The following EIF3E variants were observed in gnomAD, a reference collection of about 807,000 sequenced individuals.
EIF3E encodes the protein eIF-3 p48.
A neutral mutation model predicts 59.3 loss-of-function variants in EIF3E; 25 were observed. That is an observed-to-expected ratio of 0.42 (90% confidence interval 0.31 to 0.59). EIF3E has a LOEUF of 0.59. Ranked by LOEUF, EIF3E falls within the 20% of genes least tolerant of loss-of-function variation. EIF3E has a pLI of 0.15. For missense variants in EIF3E, 317 were observed against 534.3 expected, an observed-to-expected ratio of 0.59 and a Z score of 4.01; for synonymous variants, 176 against 170.2, an observed-to-expected ratio of 1.03 and a Z score of -0.26.
chr8:108,220,458 G>A (rs918913763), intron 7 of EIF3E, among the ~76,000 whole-genome samples: 1 of 152,202 alleles, frequency 6.6e-6, no homozygotes, highest in East Asian at 1.9e-4. Flanking sequence ...CTCCCTTTGT[G>A]TTTTAACTTC....
In EIF3E at chr8:108,228,320, G is replaced by A. The variant is rs1815556201; in HGVS notation, c.669C>T (p.Phe223=). ...TATTATCGCGACCTTTGGGGTGATT[G>A]AAGAAAACAAACAGAGACCAGTGAA... ...WLIHWSLFVF[F]NHPKGRDNII... The change falls in exon 7 of 13, where the codon TTC becomes TTT. Residue 223 remains phenylalanine, a synonymous_variant. Transcript: ENST00000220849. 1 of 1,609,158 alleles carries A rather than the reference G, an allele frequency of 6.2e-7. No individual in the cohort carries two copies. The highest frequency in any genetic ancestry group is 8.5e-7 in the Non-Finnish European group (1 of 1,177,446).
In EIF3E at chr8:108,248,712, G is replaced by C. The variant is rs544108027; in HGVS notation, c.-10C>G. On this transcript the variant is annotated 5_prime_UTR_variant, in exon 1 of 13. Coordinates refer to ENST00000220849, the MANE Select transcript of EIF3E (RefSeq NM_001568.3). ...AGTCGTACTCCGCCATCTTGCCAAA[G>C]AAAAGGGAGTCTGTGCTCACTAAAA... is the stretch of plus-strand genomic sequence containing the variant. 1.6e-5 allele frequency: 26 copies of C among 1,614,086 alleles called. No individual in the cohort carries two copies. The East Asian group carries it at 5.6e-4, about 35-fold the overall frequency.
intron 4 of EIF3E, among the ~76,000 whole-genome samples, chr8:108,235,925 G>A: frequency 6.6e-6 from 1 of 152,088 alleles, no homozygotes; most frequent in Non-Finnish European, 1.5e-5. Context: ...TACAACTCTG[G>A]AATAAATACA....
intron 10 of EIF3E, among the ~76,000 whole-genome samples, chr8:108,205,944 G>A (rs1815093725): frequency 6.6e-6 from 1 of 152,002 alleles, no homozygotes; most frequent in Non-Finnish European, 1.5e-5. Context: ...AGTCTGTATT[G>A]GGTTTGGTAC....
intron 3 of EIF3E, among the ~76,000 whole-genome samples, chr8:108,239,387 A>G (rs1815794525): frequency 6.6e-6 from 1 of 152,088 alleles, no homozygotes; most frequent in Non-Finnish European, 1.5e-5. Context: ...TTTTGGTAAG[A>G]TAGAGGGTTT....
intron 10 of EIF3E, among the ~76,000 whole-genome samples, chr8:108,209,459 T>C (rs1815165910): frequency 6.6e-6 from 1 of 152,148 alleles, no homozygotes; most frequent in Admixed American, 6.6e-5. Context: ...ACTTCAAATA[T>C]GAAATTTTGA....
chr8:108,241,260 A>C (rs1472674405), intron 2 of EIF3E, among the ~76,000 whole-genome samples: 2 of 152,182 alleles, frequency 1.3e-5, no homozygotes, highest in Non-Finnish European at 2.9e-5. Context: ...ATGTGCATTG[A>C]AGAAATGACA....
intron 9 of EIF3E, among the ~76,000 whole-genome samples, chr8:108,215,949 C>T (rs1815293785): frequency 6.6e-6 from 1 of 152,124 alleles, no homozygotes; most frequent in African/African-American, 2.4e-5. Flanking sequence ...CCTGGTTTAT[C>T]ACAAATGTTA....
intron 1 of EIF3E, 123 bp downstream of exon 1, chr8:108,248,490 T>C: frequency 3.4e-6 from 3 of 882,474 alleles, no homozygotes; most frequent in Non-Finnish European, 5.4e-6. Flanking sequence ...TTAGTGTCCG[T>C]CCAGGAACCA....
intron 7 of EIF3E, among the ~76,000 whole-genome samples, chr8:108,227,049 G>A (rs1047414958): frequency 2.0e-5 from 3 of 152,216 alleles, no homozygotes; most frequent in Non-Finnish European, 2.9e-5. Flanking sequence ...GTAGGGCTGG[G>A]CCCAGTGGCT....
chr8:108,214,588 C>A lies in EIF3E; in HGVS notation c.1061+19G>T, dbSNP rs1339081930. 1.3e-6 allele frequency: 2 copies of A among 1,529,206 alleles called. No homozygotes were observed. The highest frequency in any genetic ancestry group is 2.6e-5 in the South Asian group (2 of 78,018). The allele number at this position is 1,529,206 out of a possible 1,614,324, so 94.7% of individuals were successfully genotyped here. Reference sequence around the variant, plus strand: ...GAATTTTAAAGTAGAAAATCCAAATCAAATCACGGTGTTCTTACTTAATGC... The same window carrying A: ...GAATTTTAAAGTAGAAAATCCAAATAAAATCACGGTGTTCTTACTTAATGC... On this transcript the variant is annotated intron_variant, in intron 10 of 12. Transcript: ENST00000220849.
At chr8:108,207,192 A>C (rs1442147572) in intron 10 of EIF3E, among the ~76,000 whole-genome samples, 1 of 152,134 alleles carries the variant, frequency 6.6e-6, no homozygotes, top group African/African-American at 2.4e-5. Context: ...CAGTAAAAGA[A>C]ACCAAATGAT....
At chr8:108,209,901 T>C (rs1815175061) in intron 10 of EIF3E, among the ~76,000 whole-genome samples, 1 of 152,144 alleles carries the variant, frequency 6.6e-6, no homozygotes, top group South Asian at 2.1e-4. Flanking sequence ...CTTGAATGTA[T>C]CAACATCAAC....
intron 12 of EIF3E, 56 bp from the exon 13 acceptor site, chr8:108,201,979 A>G: frequency 6.8e-7 from 1 of 1,472,048 alleles, no homozygotes; most frequent in Admixed American, 2.3e-5. Context: ...TCGGAAAAAA[A>G]CTAACATAGA....
chr8:108,207,998 T>C (rs1158943165), intron 10 of EIF3E, among the ~76,000 whole-genome samples: 2 of 152,138 alleles, frequency 1.3e-5, no homozygotes, highest in African/African-American at 4.8e-5. Context: ...GAGATCCCAC[T>C]TAAGGACAGA....
intron 7 of EIF3E, among the ~76,000 whole-genome samples, chr8:108,224,827 A>G (rs1403456074): frequency 6.6e-6 from 1 of 151,616 alleles, no homozygotes; most frequent in Non-Finnish European, 1.5e-5. Flanking sequence ...TGTACTTTAG[A>G]GTAAATCAAA....
rs950387711 is a variant in EIF3E, at chr8:108,228,203, A to G, written c.722+64T>C. The G allele has an allele frequency of 2.8e-6, 4 of 1,430,844 alleles. No individual in the cohort carries two copies. In the African/African-American group the frequency reaches 5.9e-5, roughly 21 times the overall value. The allele number at this position is 1,430,844 out of a possible 1,614,324, so 88.6% of individuals were successfully genotyped here. A position where few individuals can be genotyped will look rare whatever the true frequency, so the allele number is the denominator to read the frequency against. On this transcript the variant is annotated intron_variant, in intron 7 of 12. Transcript: ENST00000220849. ...AAATGATAGAAAAAAGTATATTTTAAGTTTAAACAACTCCATGTAATTTTA... is the reference window on the plus strand; with the variant it reads ...AAATGATAGAAAAAAGTATATTTTAGGTTTAAACAACTCCATGTAATTTTA...
At chr8:108,222,327 G>A (rs1174146233) in intron 7 of EIF3E, among the ~76,000 whole-genome samples, 1 of 152,090 alleles carries the variant, frequency 6.6e-6, no homozygotes, top group African/African-American at 2.4e-5. Flanking sequence ...TTACAGGGAG[G>A]AGCTACCATG....
chr8:108,221,895 ATAT>A (rs1489995980), intron 7 of EIF3E, among the ~76,000 whole-genome samples: 5 of 152,114 alleles, frequency 3.3e-5, no homozygotes, highest in Admixed American at 6.6e-5. Context: ...ACATCACAAA[ATAT>A]TATTATTCTT....
Sources: allele counts gnomAD v4.1 joint callset (sites outside exome capture counted in the v4.1 genomes callset), GRCh38; gene constraint gnomAD v4.1.1; transcripts MANE v1.5; gene names NCBI Gene and HGNC (gene_info 2026-07-23, HGNC 2026-07-21).